The following ALMS1 variants were observed in gnomAD, a reference collection of about 807,000 sequenced individuals.
ALMS1 encodes centrosome-associated protein ALMS1.
ALMS1 carries 271 observed loss-of-function variants against 352.2 expected under a neutral mutation model. The ratio of observed to expected loss-of-function variants is 0.77; its 90% CI spans 0.70 to 0.85. The LOEUF (loss-of-function observed/expected upper bound fraction) is 0.85. Among genes scored for constraint, ALMS1 ranks in the 40% least tolerant of loss-of-function variants. ALMS1 has a pLI of 0.00. For synonymous variants in ALMS1, 1,865 were observed against 1,761.2 expected (o/e 1.06, Z -1.48); for missense variants, 5,445 against 4,870.7 (o/e 1.12, Z -3.51).
At chr2:73,435,359 A>G (rs911126008) in intron 7 of ALMS1, among the ~76,000 whole-genome samples, 2 of 151,862 alleles carry the variant, frequency 1.3e-5, no homozygotes, top group African/African-American at 2.4e-5. Flanking sequence ...ATTTTCTAGT[A>G]TGACACTTTC....
At chr2:73,429,238 T>C (rs1671453185) in intron 6 of ALMS1, among the ~76,000 whole-genome samples, 1 of 151,996 alleles carries the variant, frequency 6.6e-6, no homozygotes, top group East Asian at 1.9e-4. Context: ...ATTTTGTTTT[T>C]CTTTCTCCTT....
chr2:73,556,439 G>A (rs1674543491), intron 13 of ALMS1, among the ~76,000 whole-genome samples: 1 of 152,000 alleles, frequency 6.6e-6, no homozygotes, highest in Admixed American at 6.6e-5. Context: ...AGTTTAAAAG[G>A]CTATAACTGC....
chr2:73,412,334 G>A (rs1671095373), intron 2 of ALMS1, among the ~76,000 whole-genome samples: 1 of 152,176 alleles, frequency 6.6e-6, no homozygotes, highest in Non-Finnish European at 1.5e-5. Flanking sequence ...AATACGGTGT[G>A]TAGACTTTTG....
At chr2:73,568,096 G>A (rs1364720219) in intron 15 of ALMS1, among the ~76,000 whole-genome samples, 1 of 152,048 alleles carries the variant, frequency 6.6e-6, no homozygotes, top group African/African-American at 2.4e-5. Context: ...AATGCAAATG[G>A]CCATTAAAGA....
At chr2:73,402,131 A>G (rs536134533) in intron 1 of ALMS1, among the ~76,000 whole-genome samples, 1 of 152,002 alleles carries the variant, frequency 6.6e-6, no homozygotes, top group African/African-American at 2.4e-5. Flanking sequence ...CTATTGTGAT[A>G]ATGCTGCAGT....
Position 73,449,654 on chromosome 2 carries a change from C to A in ALMS1, c.3127C>A (p.Pro1043Thr), listed in dbSNP as rs376987487. ...PGPADQKTEI[P>T]AVQSSSYPQR... is the part of the protein sequence containing the mutation. ...ACCAGCTGACCAGAAGACTGAGATA[C>A]CAGCAGTACAGTCTAGTTCTTACCC... The change falls in exon 8 of 23, where the codon CCA (proline) becomes ACA (threonine). Residue 1043 changes from proline to threonine, a missense_variant. Pro to Thr is a conservative substitution (Grantham distance 38). Transcript: ENST00000613296. 2.5e-6 allele frequency: 4 copies of A among 1,613,940 alleles called. No individual in the cohort carries two copies. Among genetic ancestry groups the A allele is most frequent in the Non-Finnish European group, 3.4e-6 (4 of 1,179,968 alleles).
chr2:73,394,705 A>C (rs1027112855), intron 1 of ALMS1, among the ~76,000 whole-genome samples: 4 of 152,148 alleles, frequency 2.6e-5, no homozygotes, highest in African/African-American at 9.7e-5. Flanking sequence ...GTGTCAATTA[A>C]TGATGAGGAT....
At chr2:73,502,969 C>T (rs1460595580) in intron 10 of ALMS1, among the ~76,000 whole-genome samples, 1 of 152,110 alleles carries the variant, frequency 6.6e-6, no homozygotes, top group East Asian at 1.9e-4. Flanking sequence ...GTAATATAGT[C>T]TCATTTCCTA....
At chr2:73,553,491 C>T (rs1003455027) in intron 13 of ALMS1, among the ~76,000 whole-genome samples, 27 of 152,030 alleles carry the variant, frequency 1.8e-4, no homozygotes, top group Admixed American at 5.2e-4. Context: ...GTTTTCAGTT[C>T]TATTTGCAGC....
intron 12 of ALMS1, among the ~76,000 whole-genome samples, chr2:73,547,482 A>G (rs1404364869): frequency 2.0e-5 from 3 of 152,078 alleles, no homozygotes; most frequent in African/African-American, 7.2e-5. Context: ...TTAAAGTTTC[A>G]GTTGGATTGT....
At chr2:73,408,852 A>ATT in intron 2 of ALMS1, 105 bp downstream of exon 2, 2 of 367,468 alleles carry the variant, frequency 5.4e-6, no homozygotes, top group South Asian at 2.9e-5. Flanking sequence ...CATTAATATT[A>ATT]TGTTTTCTTG....
chr2:73,410,745 A>G (rs1427664438), intron 2 of ALMS1, among the ~76,000 whole-genome samples: 1 of 152,232 alleles, frequency 6.6e-6, no homozygotes, highest in Non-Finnish European at 1.5e-5. Context: ...CTTTGAAGAA[A>G]TGAAACGATC....
chr2:73,431,225 C>A (rs1181575437), intron 6 of ALMS1, among the ~76,000 whole-genome samples: 1 of 151,996 alleles, frequency 6.6e-6, no homozygotes, highest in Non-Finnish European at 1.5e-5. Context: ...AAAATCTTCA[C>A]AAGTTGAAAA....
At chr2:73,543,236 G>A (rs1469869825) in intron 12 of ALMS1, among the ~76,000 whole-genome samples, 3 of 152,046 alleles carry the variant, frequency 2.0e-5, no homozygotes, top group Non-Finnish European at 4.4e-5. Context: ...TCTGATCTTT[G>A]ACAAACCTGA....
In ALMS1 at chr2:73,449,838, G is replaced by T; in HGVS notation, c.3311G>T (p.Gly1104Val). The T allele has an allele frequency of 6.2e-7, 1 of 1,614,030 alleles. No individual in the cohort carries two copies. The highest frequency in any genetic ancestry group is 1.6e-4 in the Middle Eastern group (1 of 6,062). Residue 1104 changes from glycine to valine, a missense_variant, in exon 8 of 23, where the codon GGT (glycine) becomes GTT (valine). By Grantham distance (109) the Gly-to-Val change is moderately radical (BLOSUM62 -3). Transcript: ENST00000613296. The part of the protein sequence containing the change: ...STFYSQREKP[G>V]IFYQQTLPES... ...TTCTACTCACAAAGAGAGAAGCCTGGTATTTTCTACCAACAGACCTTGCCA... is the reference window on the plus strand; with the variant it reads ...TTCTACTCACAAAGAGAGAAGCCTGTTATTTTCTACCAACAGACCTTGCCA...
At position 73,534,864 on chromosome 2, in the gene ALMS1, C is replaced by T. The variant is rs201446579; in HGVS notation, c.9822C>T (p.Thr3274=). The T allele has an allele frequency of 6.2e-7, 1 of 1,613,574 alleles. No individual in the cohort carries two copies. The highest frequency in any genetic ancestry group is 1.7e-4 in the Middle Eastern group (1 of 6,058). ...LLLPYKPSGS[T]KMYYVPQLRQ... ...TGCCATATAAGCCTTCTGGTAGTACCAAGATGTATTATGTTCCACAATTAA... is the reference window on the plus strand; with the variant it reads ...TGCCATATAAGCCTTCTGGTAGTACTAAGATGTATTATGTTCCACAATTAA... The change falls in exon 12 of 23, where the codon ACC becomes ACT. Residue 3274 remains threonine, a synonymous_variant. Transcript: ENST00000613296.
At chr2:73,564,465 CAAAAA>C (rs367797062) in intron 15 of ALMS1, among the ~76,000 whole-genome samples, 1 of 63,360 alleles carries the variant, frequency 1.6e-5, no homozygotes, top group Non-Finnish European at 3.4e-5. Flanking sequence ...GACTCCGTCT[CAAAAA>C]AAAAAAAAAA....
rs113594592 is a variant in ALMS1 at position 73,508,471 on chromosome 2, C to T, written c.9540-11304C>T. 4.4e-3 allele frequency among the ~76,000 whole-genome samples: 671 copies of T among 152,210 alleles called. 7 individuals are homozygous for T. The highest frequency in any genetic ancestry group is 0.014 in the African/African-American group (567 of 41,528). Reference sequence around the variant, plus strand: ...CCACCCGCCTCGGCCTCCCAAAATGCTGGGGTTACAGATGTGAGCCACCGC... The same window carrying T: ...CCACCCGCCTCGGCCTCCCAAAATGTTGGGGTTACAGATGTGAGCCACCGC... On this transcript the variant is annotated intron_variant, in intron 10 of 22. Coordinates refer to ENST00000613296, the MANE Select transcript of ALMS1 (RefSeq NM_001378454.1).
At chr2:73,491,900 C>T (rs1672997695) in intron 10 of ALMS1, among the ~76,000 whole-genome samples, 1 of 152,138 alleles carries the variant, frequency 6.6e-6, no homozygotes, top group African/African-American at 2.4e-5. Flanking sequence ...TCTCTCTTCT[C>T]CAGCTCTCTG....
Sources: allele counts gnomAD v4.1 joint callset (sites outside exome capture counted in the v4.1 genomes callset), GRCh38; gene constraint gnomAD v4.1.1; transcripts MANE v1.5; gene names NCBI Gene and HGNC (gene_info 2026-07-23, HGNC 2026-07-21).